The following PDE4D variants were observed in gnomAD, a reference collection of about 807,000 sequenced individuals.
PDE4D encodes phosphodiesterase 4D.
In PDE4D, 24 loss-of-function variants were observed where a neutral mutation model predicts 87.4. That is an observed-to-expected ratio of 0.27 (90% confidence interval 0.20 to 0.39). PDE4D has a LOEUF of 0.39. PDE4D is among the 10% of genes least tolerant of loss of function. The pLI is 1.00. For missense variants in PDE4D, 714 were observed against 1,041.0 expected (o/e 0.69, Z 4.32); for synonymous variants, 384 against 383.2 (o/e 1.00, Z -0.02).
At chr5:59,471,792 T>C (rs1802487059) in intron 1 of PDE4D, among the ~76,000 whole-genome samples, 1 of 152,228 alleles carries the variant, frequency 6.6e-6, no homozygotes, top group Admixed American at 6.5e-5. Flanking sequence ...GTGTTGTCTT[T>C]TTGTTTTCTT....
intron 6 of PDE4D, 147 bp downstream of exon 6, chr5:59,038,712 G>T: frequency 1.4e-6 from 1 of 696,636 alleles, no homozygotes. Context: ...AAGGAAACAG[G>T]AACCTCCCTC....
intron 1 of PDE4D, among the ~76,000 whole-genome samples, chr5:59,866,866 C>T (rs368684838): frequency 5.9e-5 from 9 of 152,098 alleles, no homozygotes; most frequent in African/African-American, 2.2e-4. Context: ...TACACAATGT[C>T]TAATGAAGTT....
Position 60,403,815 on chromosome 5 carries a change from G to A in PDE4D, c.-90+84127C>T, listed in dbSNP as rs1389985601. On this transcript the variant is annotated intron_variant, in intron 1 of 16. Coordinates refer to the PDE4D transcript ENST00000502484. ...AGCTGACCTTTGTCAAGAAAGTATT[G>A]TGAAACCCACATTAGAAAATGCACG... is the stretch of plus-strand genomic sequence containing the variant. 2.0e-5 allele frequency among the ~76,000 whole-genome samples: 3 copies of A among 152,178 alleles called. No individual in the cohort carries two copies. In the East Asian group the frequency reaches 5.8e-4, roughly 29 times the overall value.
intron 1 of PDE4D, among the ~76,000 whole-genome samples, chr5:59,740,763 C>A (rs557107864): frequency 1.3e-5 from 2 of 152,088 alleles, no homozygotes; most frequent in Non-Finnish European, 2.9e-5. Context: ...ATCAACTACC[C>A]AACACTCTCC....
intron 1 of PDE4D, among the ~76,000 whole-genome samples, chr5:60,333,668 C>T (rs183813666): frequency 4.6e-5 from 7 of 152,282 alleles, no homozygotes; most frequent in Admixed American, 3.9e-4. Context: ...CTGTCAATCA[C>T]GCCCCAAACT....
chr5:60,086,401 T>G (rs1774538880), intron 2 of PDE4D, among the ~76,000 whole-genome samples: 1 of 152,116 alleles, frequency 6.6e-6, no homozygotes, highest in South Asian at 2.1e-4. Flanking sequence ...AAACTATATA[T>G]TTTTTATATT....
chr5:59,574,622 A>G (rs1822819605), intron 1 of PDE4D, among the ~76,000 whole-genome samples: 1 of 152,168 alleles, frequency 6.6e-6, no homozygotes, highest in African/African-American at 2.4e-5. Context: ...AGAGAGAGGT[A>G]TGAAACCCTC....
intron 2 of PDE4D, among the ~76,000 whole-genome samples, chr5:60,132,267 G>T (rs4700366): frequency 0.65 from 99,369 of 151,998 alleles, 33,144 homozygotes; most frequent in Middle Eastern, 0.7. Flanking sequence ...AGAAAAGCAT[G>T]CTTCCTAAAT....
chr5:60,176,750 G>C (rs368810010), intron 2 of PDE4D, among the ~76,000 whole-genome samples: 3 of 152,110 alleles, frequency 2.0e-5, no homozygotes, highest in Non-Finnish European at 4.4e-5. Flanking sequence ...TTTGACAAAA[G>C]ACTGGTTAAG....
At chr5:60,382,431 T>C (rs1218065375) in intron 1 of PDE4D, among the ~76,000 whole-genome samples, 1 of 152,212 alleles carries the variant, frequency 6.6e-6, no homozygotes, top group Non-Finnish European at 1.5e-5. Flanking sequence ...TTTCTTTAAA[T>C]GGCAAACAGA....
intron 5 of PDE4D, among the ~76,000 whole-genome samples, chr5:59,107,275 G>A (rs1452764855): frequency 3.3e-5 from 5 of 151,988 alleles, no homozygotes; most frequent in Non-Finnish European, 5.9e-5. Context: ...GCAGTGGCAC[G>A]ATCTTGGCTC....
chr5:59,469,124 G>A (rs972398924), intron 1 of PDE4D, among the ~76,000 whole-genome samples: 3 of 152,064 alleles, frequency 2.0e-5, no homozygotes, highest in Non-Finnish European at 4.4e-5. Context: ...TCAGGAGATC[G>A]AGACCGTCCT....
chr5:59,973,630 ATATGAGTC>A (rs1302882420), intron 3 of PDE4D, among the ~76,000 whole-genome samples: 1 of 152,184 alleles, frequency 6.6e-6, no homozygotes, highest in Non-Finnish European at 1.5e-5. Context: ...AAATAAGAAG[ATATGAGTC>A]TTGGTCTTTA....
intron 5 of PDE4D, chr5:59,174,354 T>C (rs1783487503): frequency 6.6e-6 from 1 of 152,534 alleles, no homozygotes; most frequent in Non-Finnish European, 1.5e-5. Flanking sequence ...CTTAGACCAA[T>C]TTACTTATTT....
chr5:60,366,984 G>A (rs2149972069), intron 1 of PDE4D, among the ~76,000 whole-genome samples: 1 of 152,242 alleles, frequency 6.6e-6, no homozygotes, highest in Non-Finnish European at 1.5e-5. Flanking sequence ...GACCAAGAGA[G>A]GAGAAAATTA....
chr5:59,014,094 C>G (rs909737950), intron 6 of PDE4D, among the ~76,000 whole-genome samples: 1 of 152,166 alleles, frequency 6.6e-6, no homozygotes, highest in Non-Finnish European at 1.5e-5. Context: ...CAAAATTCAA[C>G]AGGACTTCAT....
At chr5:59,009,790 C>A (rs1752400727) in intron 6 of PDE4D, among the ~76,000 whole-genome samples, 1 of 152,132 alleles carries the variant, frequency 6.6e-6, no homozygotes, top group Non-Finnish European at 1.5e-5. Flanking sequence ...CCTCAAAAAT[C>A]TAACTTTGAA....
chr5:60,138,837 C>A (rs906343651), intron 2 of PDE4D, among the ~76,000 whole-genome samples: 1 of 152,028 alleles, frequency 6.6e-6, no homozygotes, highest in Non-Finnish European at 1.5e-5. Context: ...AATTATTAGT[C>A]ATAATTGCAA....
intron 1 of PDE4D, among the ~76,000 whole-genome samples, chr5:60,401,441 C>A (rs1741074517): frequency 6.6e-6 from 1 of 152,204 alleles, no homozygotes; most frequent in South Asian, 2.1e-4. Flanking sequence ...GCTGAAGCTG[C>A]AAAGAGTAAA....
Sources: gnomAD v4.1 joint callset for allele counts (sites outside exome capture counted in the v4.1 genomes callset) on GRCh38, gnomAD v4.1.1 for gene constraint, MANE v1.5 for transcripts, NCBI Gene and HGNC (gene_info 2026-07-23, HGNC 2026-07-21) for gene names.